The following ASMTL variants were observed in gnomAD, a reference collection of about 807,000 sequenced individuals.
ASMTL encodes the protein acetylserotonin O-methyltransferase like, also known as probable bifunctional dTTP/UTP pyrophosphatase/methyltransferase protein.
Under a neutral mutation model 60.3 loss-of-function variants are expected in ASMTL, and 57 were observed. The observed-to-expected ratio is 0.95, with a 90% CI of 0.76 to 1.18. The LOEUF is 1.18. ASMTL is among the 50% of genes most tolerant of loss of function. The probability of loss-of-function intolerance (pLI) is 0.00; values close to 1 mark genes in which losing one functional copy is unlikely to be tolerated. For synonymous variants in ASMTL, 419 were observed against 373.0 expected (o/e 1.12, Z -1.42); for missense variants, 981 against 852.6 (o/e 1.15, Z -1.88).
At chrX:1,450,058 T>C (rs867828588) in intron 1 of ASMTL, among the ~76,000 whole-genome samples, 2,077 of 130,966 alleles carry the variant, frequency 0.016, 47 homozygotes, top group African/African-American at 0.056. Flanking sequence ...TAACTATCCT[T>C]CCATCACCAG....
At chrX:1,453,101 G>A (rs2091436841), upstream of ASMTL, among the ~76,000 whole-genome samples, 2 of 145,858 alleles carry the variant, frequency 1.4e-5, no homozygotes, top group South Asian at 4.2e-4. Flanking sequence ...CCACGCCCAT[G>A]TCACGCCCCA....
At position 1,452,853 on chromosome X, in the gene ASMTL, G is replaced by GCA. The variant is rs747790825; in HGVS notation, c.-14_-13insTG. On this transcript the variant is annotated 5_prime_UTR_variant, in exon 1 of 13. Coordinates refer to ENST00000381317, the MANE Select transcript of ASMTL (RefSeq NM_004192.4). ...GGCACAGCACCATGGCGTCCACGCCGGGAGCCGGGCGTCCGCACTTCTGAG... is the reference window on the plus strand; with the variant it reads ...GGCACAGCACCATGGCGTCCACGCCGCAGGAGCCGGGCGTCCGCACTTCTGAG... 6.4e-7 allele frequency: 1 copy of GCA among 1,553,628 alleles called. No individual in the cohort carries two copies. The highest frequency in any genetic ancestry group is 8.6e-7 in the Non-Finnish European group (1 of 1,158,346).
intron 12 of ASMTL, among the ~76,000 whole-genome samples, chrX:1,405,397 T>C (rs1441567255): frequency 1.0e-4 from 15 of 144,670 alleles, no homozygotes; most frequent in Non-Finnish European, 1.1e-4. Flanking sequence ...GGTAGGTAGA[T>C]AGATGGATGT....
intron 1 of ASMTL, among the ~76,000 whole-genome samples, chrX:1,442,924 C>A (rs1263647229): frequency 6.6e-6 from 1 of 152,170 alleles, no homozygotes; most frequent in Admixed American, 6.5e-5. Context: ...GCTGCCACAC[C>A]CTGCCAGGGT....
At chrX:1,433,363 C>T (rs1245684229) in intron 5 of ASMTL, among the ~76,000 whole-genome samples, 1 of 151,410 alleles carries the variant, frequency 6.6e-6, no homozygotes, top group Non-Finnish European at 1.5e-5. Context: ...TTAATCCTGG[C>T]CTTTTAAGAG....
intron 9 of ASMTL, among the ~76,000 whole-genome samples, chrX:1,419,988 C>CTCTCTGTTTCTGTCTCCTG (rs1569532582): frequency 6.6e-6 from 1 of 152,080 alleles, no homozygotes; most frequent in African/African-American, 2.4e-5. Flanking sequence ...CTCTTTCTCT[C>CTCTCTGTTTCTGTCTCCTG]TCTCTGTTTC....
At chrX:1,415,145 T>G (rs1393440404) in intron 11 of ASMTL, among the ~76,000 whole-genome samples, 1 of 150,844 alleles carries the variant, frequency 6.6e-6, no homozygotes, top group African/African-American at 2.4e-5. Flanking sequence ...TTCACCATGT[T>G]GCTCTGGCTG....
rs1314943441 is a variant in ASMTL at position 1,452,899 on chromosome X, C to T, written c.-59G>A. The stretch of plus-strand genomic sequence containing the variant: ...CTGAGCCCGGAGCCCGCGGTGCGCG[C>T]AGCGCGGCTGCAAAAAAAACAGGCG... On this transcript the variant is annotated 5_prime_UTR_variant, in exon 1 of 13. Coordinates refer to ENST00000381317, the MANE Select transcript of ASMTL (RefSeq NM_004192.4). The T allele has an allele frequency of 5.2e-6, 7 of 1,339,348 alleles. No homozygotes were observed. The highest frequency in any genetic ancestry group is 5.8e-5 in the East Asian group (2 of 34,272). 83.0% of individuals were successfully genotyped at this position (1,339,348 alleles called of 1,614,324 possible). A position where few individuals can be genotyped will look rare whatever the true frequency, so the allele number is the denominator to read the frequency against.
At chrX:1,411,450 A>T (rs1460779153) in intron 12 of ASMTL, among the ~76,000 whole-genome samples, 1 of 152,178 alleles carries the variant, frequency 6.6e-6, no homozygotes, top group African/African-American at 2.4e-5. Flanking sequence ...GTGGAAACCC[A>T]ATATGCAGCC....
chrX:1,403,820 C>G (rs2089686018), intron 12 of ASMTL, among the ~76,000 whole-genome samples: 1 of 151,654 alleles, frequency 6.6e-6, no homozygotes, highest in African/African-American at 2.4e-5. Context: ...TAGGTGGACG[C>G]ATGGATGAGA....
At position 1,416,224 on chromosome X, in the gene ASMTL, C is replaced by T. The variant is rs191994778; in HGVS notation, c.1522+1749G>A. 3.0e-4 allele frequency among the ~76,000 whole-genome samples: 43 copies of T among 145,342 alleles called. No individual in the cohort carries two copies. The East Asian group carries it at 5.7e-3, about 19-fold the overall frequency. ...ATGCACAGCAACAGGCACACACAGA[C>T]GCAGACATGCACAGATGGGCACAGA... On this transcript the variant is annotated intron_variant, in intron 11 of 12. Transcript: ENST00000381317.
chrX:1,419,512 A>AC (rs1401148357), intron 9 of ASMTL, among the ~76,000 whole-genome samples: 2 of 152,146 alleles, frequency 1.3e-5, no homozygotes, highest in South Asian at 2.1e-4. Context: ...CTCAGCCTTC[A>AC]CCACAATGGT....
intron 12 of ASMTL, among the ~76,000 whole-genome samples, chrX:1,411,738 A>ACCTCCTCAC (rs1773809371): frequency 7.8e-6 from 1 of 128,584 alleles, no homozygotes; most frequent in Non-Finnish European, 1.7e-5. Flanking sequence ...CCTCCTCAAG[A>ACCTCCTCAC]ATGAAGACTT....
At chrX:1,412,638 C>G (rs2090073603) in intron 12 of ASMTL, 94 bp downstream of exon 12, 1 of 1,554,794 alleles carries the variant, frequency 6.4e-7, no homozygotes, top group Non-Finnish European at 8.9e-7. Flanking sequence ...GCTGGGATGA[C>G]AGGCGTGAGC....
chrX:1,434,516 G>GAA (rs2090909098), intron 5 of ASMTL, among the ~76,000 whole-genome samples: 1 of 141,240 alleles, frequency 7.1e-6, no homozygotes, highest in Non-Finnish European at 1.6e-5. Flanking sequence ...AAGAAAGAAA[G>GAA]AGAAAGGCCG....
chrX:1,407,155 GTAGA>G (rs1272364808), intron 12 of ASMTL, among the ~76,000 whole-genome samples: 7 of 150,154 alleles, frequency 4.7e-5, no homozygotes, highest in Admixed American at 1.3e-4. Flanking sequence ...TGATGGGTAG[GTAGA>G]TAGATGAATG....
chrX:1,444,470 A>G (rs2091192177), intron 1 of ASMTL, among the ~76,000 whole-genome samples: 1 of 151,964 alleles, frequency 6.6e-6, no homozygotes, highest in Non-Finnish European at 1.5e-5. Flanking sequence ...CGGCCTCCCA[A>G]AGTGCTGGGA....
In ASMTL at chrX:1,407,523, A is replaced by G. The variant is rs866238493; in HGVS notation, c.1646-4034T>C. Among the ~76,000 whole-genome samples, 136 of 150,856 alleles carry G rather than the reference A, an allele frequency of 9.0e-4. 6 individuals carry two copies. The highest frequency in any genetic ancestry group is 3.2e-3 in the African/African-American group (130 of 40,360). Reference sequence around the variant, plus strand: ...GGATGGATGGGTGAATATATGGTAGATGATGGGTAGGTAGATGATGGATGG... The same window carrying G: ...GGATGGATGGGTGAATATATGGTAGGTGATGGGTAGGTAGATGATGGATGG... On this transcript the variant is annotated intron_variant, in intron 12 of 12. Transcript: ENST00000381317.
chrX:1,453,087 C>G (rs750063080), upstream of ASMTL, among the ~76,000 whole-genome samples: 1 of 130,088 alleles, frequency 7.7e-6, no homozygotes, highest in African/African-American at 4.6e-5. Context: ...CCCTCTCCAC[C>G]AGGCCACGCC....
Sources: gnomAD v4.1 joint callset for allele counts (sites outside exome capture counted in the v4.1 genomes callset) on GRCh38, gnomAD v4.1.1 for gene constraint, MANE v1.5 for transcripts, NCBI Gene and HGNC (gene_info 2026-07-23, HGNC 2026-07-21) for gene names.